The following LRRC20 variants were observed in gnomAD, a reference collection of about 807,000 sequenced individuals.
LRRC20 encodes leucine rich repeat containing 20, also known as leucine-rich repeat-containing protein 20.
A neutral mutation model predicts 14.4 loss-of-function variants in LRRC20; 11 were observed. The observed-to-expected ratio is 0.77, with a 90% confidence interval of 0.48 to 1.27. The LOEUF is 1.27. Among genes scored for constraint, LRRC20 ranks in the 50% most tolerant of loss-of-function variants. The probability of loss-of-function intolerance (pLI) is 0.00; values close to 1 mark genes in which losing one functional copy is unlikely to be tolerated. For synonymous variants in LRRC20, 121 were observed against 107.3 expected (o/e 1.13, Z -0.79); for missense variants, 219 against 251.2 (o/e 0.87, Z 0.87).
intron 2 of LRRC20, among the ~76,000 whole-genome samples, chr10:70,347,833 A>AAC (rs1554841352): frequency 1.4e-5 from 2 of 146,642 alleles, no homozygotes; most frequent in East Asian, 2.0e-4. Flanking sequence ...AAAAAAAAAA[A>AAC]CCCAAAAAAC....
intron 3 of LRRC20, among the ~76,000 whole-genome samples, chr10:70,337,390 C>A (rs115701109): frequency 0.016 from 2,460 of 152,294 alleles, 88 homozygotes; most frequent in African/African-American, 0.056. Flanking sequence ...TCCCTCAATC[C>A]GCTGCCTCTG....
At chr10:70,378,229 T>C (rs1844579524) in intron 1 of LRRC20, among the ~76,000 whole-genome samples, 1 of 152,216 alleles carries the variant, frequency 6.6e-6, no homozygotes, top group Non-Finnish European at 1.5e-5. Context: ...GAGTGGAATT[T>C]CTATCTGTCC....
At chr10:70,351,390 T>A (rs938152145) in intron 2 of LRRC20, among the ~76,000 whole-genome samples, 5 of 152,216 alleles carry the variant, frequency 3.3e-5, no homozygotes, top group African/African-American at 1.2e-4. Context: ...TGTCTCCATC[T>A]GAGGTCATAG....
chr10:70,364,776 G>T (rs535324258), intron 2 of LRRC20, among the ~76,000 whole-genome samples: 1 of 152,312 alleles, frequency 6.6e-6, no homozygotes, highest in African/African-American at 2.4e-5. Context: ...CCTCGCGCTA[G>T]CCTTGGTCTC....
intron 2 of LRRC20, among the ~76,000 whole-genome samples, chr10:70,367,996 T>TG (rs71009296): frequency 2.0e-5 from 3 of 148,516 alleles, no homozygotes; most frequent in South Asian, 2.1e-4. Context: ...TGTTATGTTA[T>TG]TTTTTGAGAT....
chr10:70,360,429 C>T (rs1229391372), intron 2 of LRRC20, among the ~76,000 whole-genome samples: 1 of 151,344 alleles, frequency 6.6e-6, no homozygotes, highest in African/African-American at 2.4e-5. Flanking sequence ...CTTCCTCCTT[C>T]TCTTGCTCTT....
intron 2 of LRRC20, among the ~76,000 whole-genome samples, chr10:70,341,422 G>A (rs576184336): frequency 2.0e-5 from 3 of 152,364 alleles, no homozygotes; most frequent in Middle Eastern, 6.8e-3. Flanking sequence ...ACTGGGGACT[G>A]GATCAGCAAA....
chr10:70,322,287 T>C (rs1303255308), intron 4 of LRRC20, among the ~76,000 whole-genome samples: 1 of 152,192 alleles, frequency 6.6e-6, no homozygotes, highest in South Asian at 2.1e-4. Flanking sequence ...GACCCACCTG[T>C]CTACCCGCTG....
chr10:70,315,984 T>C (rs1458673320), intron 4 of LRRC20, among the ~76,000 whole-genome samples: 2 of 152,284 alleles, frequency 1.3e-5, no homozygotes, highest in East Asian at 3.9e-4. Flanking sequence ...ATTCCTTGGA[T>C]AAGGCATCCT....
At chr10:70,352,264 C>T (rs997428167) in intron 2 of LRRC20, among the ~76,000 whole-genome samples, 30 of 151,618 alleles carry the variant, frequency 2.0e-4, no homozygotes, top group South Asian at 2.1e-4. Context: ...AAATCTGAAA[C>T]GCAATACCAA....
At chr10:70,338,240 G>T (rs769244545) in intron 3 of LRRC20, among the ~76,000 whole-genome samples, 1 of 152,036 alleles carries the variant, frequency 6.6e-6, no homozygotes, top group Non-Finnish European at 1.5e-5. Flanking sequence ...TCCAAGTCCT[G>T]CCTGTAGCTC....
intron 2 of LRRC20, among the ~76,000 whole-genome samples, chr10:70,352,240 T>A (rs1394306795): frequency 2.0e-5 from 3 of 147,586 alleles, no homozygotes; most frequent in Non-Finnish European, 4.5e-5. Context: ...TTTTTTTTTT[T>A]AAGTTAATGG....
intron 2 of LRRC20, among the ~76,000 whole-genome samples, chr10:70,365,762 A>T (rs1328856914): frequency 6.6e-6 from 1 of 152,172 alleles, no homozygotes; most frequent in Non-Finnish European, 1.5e-5. Context: ...AGATTCGAAT[A>T]GAGATTTAAT....
At chr10:70,310,399 G>A (rs565867790) in intron 4 of LRRC20, among the ~76,000 whole-genome samples, 6 of 152,228 alleles carry the variant, frequency 3.9e-5, no homozygotes, top group Non-Finnish European at 5.9e-5. Context: ...AGGGACCTCC[G>A]CTTTGCCTTC....
intron 4 of LRRC20, among the ~76,000 whole-genome samples, chr10:70,311,616 T>C (rs1020981380): frequency 1.3e-5 from 2 of 152,216 alleles, no homozygotes; most frequent in Non-Finnish European, 2.9e-5. Context: ...CTGTAGAATG[T>C]AGGATGTGAG....
At chr10:70,352,476 C>T (rs10999287) in intron 2 of LRRC20, among the ~76,000 whole-genome samples, 11,929 of 152,186 alleles carry the variant, frequency 0.078, 708 homozygotes, top group East Asian at 0.3. Flanking sequence ...GATTCTCAGG[C>T]GGTGAAAGTG....
At chr10:70,327,761 C>T (rs913326262) in intron 3 of LRRC20, among the ~76,000 whole-genome samples, 1 of 152,078 alleles carries the variant, frequency 6.6e-6, no homozygotes, top group Non-Finnish European at 1.5e-5. Flanking sequence ...GAAACCCCAA[C>T]CTCTCCCCAA....
At chr10:70,345,243 G>A (rs1486576224) in intron 2 of LRRC20, among the ~76,000 whole-genome samples, 1 of 152,040 alleles carries the variant, frequency 6.6e-6, no homozygotes, top group Non-Finnish European at 1.5e-5. Flanking sequence ...AAACTGGAGA[G>A]GGAAGGATTA....
chr10:70,304,774 G>A (rs1026579880), intron 4 of LRRC20, among the ~76,000 whole-genome samples: 1 of 152,048 alleles, frequency 6.6e-6, no homozygotes, highest in Non-Finnish European at 1.5e-5. Context: ...CCTCATATAA[G>A]TGGACTCATA....
Sources: gnomAD v4.1 joint callset for allele counts (sites outside exome capture counted in the v4.1 genomes callset) on GRCh38, gnomAD v4.1.1 for gene constraint, MANE v1.5 for transcripts, NCBI Gene and HGNC (gene_info 2026-07-23, HGNC 2026-07-21) for gene names.